The following ZFYVE21 variants were observed in gnomAD, a reference collection of about 807,000 sequenced individuals.
ZFYVE21 encodes the protein zinc finger FYVE domain-containing protein 21.
In ZFYVE21, 21 loss-of-function variants were observed where a neutral mutation model predicts 29.5. That is an observed-to-expected ratio of 0.71 (90% CI 0.50 to 1.02). The LOEUF (loss-of-function observed/expected upper bound fraction) is 1.02, where lower values mean the gene tolerates loss of function less well. Among genes scored for constraint, ZFYVE21 ranks in the 50% least tolerant of loss-of-function variants. ZFYVE21 has a pLI of 0.00. For synonymous variants in ZFYVE21, 151 were observed against 133.8 expected (o/e 1.13, Z -0.89); for missense variants, 326 against 335.4 (o/e 0.97, Z 0.22).
intron 1 of ZFYVE21, among the ~76,000 whole-genome samples, chr14:103,722,931 T>A (rs985546719): frequency 1.3e-5 from 2 of 151,854 alleles, no homozygotes; most frequent in Non-Finnish European, 2.9e-5. Flanking sequence ...ATTACAGGCG[T>A]GAGCCACTGC....
intron 5 of ZFYVE21, chr14:103,729,804 C>G (rs568838147): frequency 1.3e-6 from 2 of 1,536,448 alleles, no homozygotes; most frequent in South Asian, 1.2e-5. Context: ...AAAAGACATT[C>G]ACGCTTACAC....
chr14:103,715,822 C>T lies in ZFYVE21; in HGVS notation c.-20C>T, dbSNP rs1470131994. 2.2e-6 allele frequency: 3 copies of T among 1,359,024 alleles called. No homozygotes were observed. The highest frequency in any genetic ancestry group is 2.9e-6 in the Non-Finnish European group (3 of 1,047,516). The allele number at this position is 1,359,024 out of a possible 1,614,324, so 84.2% of individuals were successfully genotyped here. A position where few individuals can be genotyped will look rare whatever the true frequency, so the allele number is the denominator to read the frequency against. ...AGGGGCCGGGTGCGGGGCCGCTGGC[C>T]GAGAGGCTGAGGCGGCGTCATGTCC... On this transcript the variant is annotated 5_prime_UTR_variant, in exon 1 of 7. Transcript: ENST00000311141.
At chr14:103,730,600 G>C (rs1048587049) in intron 5 of ZFYVE21, 1 of 152,652 alleles carries the variant, frequency 6.6e-6, no homozygotes, top group Non-Finnish European at 1.5e-5. Context: ...TGGTGGCTTG[G>C]GGGGTGCAGT....
At chr14:103,728,007 C>A in intron 3 of ZFYVE21, 93 bp downstream of exon 3, 1 of 1,366,990 alleles carries the variant, frequency 7.3e-7, no homozygotes, top group Non-Finnish European at 9.9e-7. Context: ...GGGCGTTCTG[C>A]TTCTCTGACG....
In ZFYVE21 at chr14:103,716,013, C is replaced by T. The variant is rs1259197269; in HGVS notation, c.138+34C>T. 9.2e-6 allele frequency: 11 copies of T among 1,199,806 alleles called. No individual in the cohort carries two copies. Among genetic ancestry groups the T allele is most frequent in the Non-Finnish European group, 1.1e-5 (11 of 963,068 alleles). 74.3% of individuals were successfully genotyped at this position (1,199,806 alleles called of 1,614,324 possible). On this transcript the variant is annotated intron_variant, in intron 1 of 6. Coordinates refer to ENST00000311141, the MANE Select transcript of ZFYVE21 (RefSeq NM_024071.4). This position sits in a 1 kb window ranked among gnomAD's most constrained non-coding sequence, Gnocchi z 4.8. ...CCGTCGCCCCGGCCAGCGCCTCCGA[C>T]CCGCCCCGCCGCCCCGGCCCGGCCC...
intron 1 of ZFYVE21, among the ~76,000 whole-genome samples, chr14:103,717,721 G>GC (rs1205002879): frequency 6.6e-6 from 1 of 152,292 alleles, no homozygotes; most frequent in South Asian, 2.1e-4. Context: ...CCCCTCCAGA[G>GC]CCCCCCACCA....
chr14:103,727,691 C>T (rs758733667), intron 2 of ZFYVE21, 55 bp from the exon 3 acceptor site: 2 of 1,589,842 alleles, frequency 1.3e-6, no homozygotes, highest in East Asian at 2.2e-5. Context: ...GGGCCACACC[C>T]GGGGCCGCTT....
At chr14:103,729,601 G>T in intron 5 of ZFYVE21, 1 of 697,522 alleles carries the variant, frequency 1.4e-6, no homozygotes, top group Non-Finnish European at 2.4e-6. Context: ...TAAACCCCTG[G>T]TGCATTTCCT....
chr14:103,729,776 C>T, intron 5 of ZFYVE21: 3 of 1,536,540 alleles, frequency 2.0e-6, no homozygotes, highest in Non-Finnish European at 2.6e-6. Context: ...CACTGCCTGC[C>T]CACCTTCTTG....
At chr14:103,717,390 G>C (rs951880680) in intron 1 of ZFYVE21, among the ~76,000 whole-genome samples, 2 of 152,214 alleles carry the variant, frequency 1.3e-5, no homozygotes, top group African/African-American at 4.8e-5. Context: ...TAAGGAGCAC[G>C]TGAGAAAGTG....
intron 5 of ZFYVE21, chr14:103,729,716 A>G (rs554355138): frequency 8.0e-6 from 12 of 1,500,558 alleles, no homozygotes; most frequent in South Asian, 1.2e-5. Flanking sequence ...GCCGTAACCC[A>G]TGTTGCTTTC....
At position 103,729,335 on chromosome 14, in the gene ZFYVE21, G is replaced by A. The variant is rs1033249535; in HGVS notation, c.526+153G>A. ...ATCTGCCTTTCCTCTTTCGCGGGGCGTGTATTTACTCAGTGGCTTTAGAAC... is the reference window on the plus strand; with the variant it reads ...ATCTGCCTTTCCTCTTTCGCGGGGCATGTATTTACTCAGTGGCTTTAGAAC... On this transcript the variant is annotated intron_variant, in intron 5 of 6. Coordinates refer to ENST00000311141, the MANE Select transcript of ZFYVE21 (RefSeq NM_024071.4). 1.6e-4 allele frequency: 114 copies of A among 703,970 alleles called. 1 individual carries two copies. The highest frequency in any genetic ancestry group is 4.0e-4 in the Middle Eastern group (1 of 2,520). The allele number at this position is 703,970 out of a possible 1,614,324, so 43.6% of individuals were successfully genotyped here.
intron 5 of ZFYVE21, chr14:103,730,709 G>A (rs1256267092): frequency 6.6e-6 from 1 of 152,542 alleles, no homozygotes; most frequent in Non-Finnish European, 1.5e-5. Context: ...TGACCTGAAG[G>A]CAGCCAAGGG....
rs1279954626 is a variant in ZFYVE21 at position 103,716,966 on chromosome 14, A to G, written c.138+987A>G. Among the ~76,000 whole-genome samples the G allele has an allele frequency of 2.6e-5, 4 of 152,114 alleles. No homozygotes were observed. The highest frequency in any genetic ancestry group is 5.9e-5 in the Non-Finnish European group (4 of 68,038). On this transcript the variant is annotated intron_variant, in intron 1 of 6. Coordinates refer to ENST00000311141, the MANE Select transcript of ZFYVE21 (RefSeq NM_024071.4). This position sits in a 1 kb window ranked among gnomAD's most constrained non-coding sequence, Gnocchi z 4.8. The stretch of plus-strand genomic sequence containing the variant: ...GACTTTCATACTTAACACGTGTTAC[A>G]GATTCGTTTAATTCCCTCAGTGATA...
chr14:103,724,123 C>G (rs1453775254), intron 1 of ZFYVE21, among the ~76,000 whole-genome samples: 1 of 152,220 alleles, frequency 6.6e-6, no homozygotes, highest in East Asian at 1.9e-4. Context: ...GGCCCCCAGA[C>G]CACAGGGAGG....
Position 103,732,694 on chromosome 14 carries a change from C to A in ZFYVE21, c.601C>A (p.Leu201Met). 1 of 1,613,316 alleles carries A rather than the reference C, an allele frequency of 6.2e-7. No homozygotes were observed. The change falls in exon 6 of 7, where the codon CTG becomes ATG. Residue 201 changes from leucine to methionine, a missense_variant. Physicochemically the swap from Leu to Met is conservative, Grantham distance 15 (BLOSUM62 2). Coordinates refer to ENST00000311141, the MANE Select transcript of ZFYVE21 (RefSeq NM_024071.4). ...GACGGAGGGTGTGACCCAGCTGAAG[C>A]TGACAGTGGTGGAGGACGTGACTGT... ...PGTEGVTQLK[L>M]TVVEDVTVGR...
At chr14:103,721,461 C>T (rs2083871981) in intron 1 of ZFYVE21, among the ~76,000 whole-genome samples, 1 of 152,266 alleles carries the variant, frequency 6.6e-6, no homozygotes, top group African/African-American at 2.4e-5. Context: ...GCCACGGAGG[C>T]CTCCCATGGA....
chr14:103,732,663 G>A lies in ZFYVE21; in HGVS notation c.570G>A (p.Val190=). 3 of 1,611,776 alleles carry A rather than the reference G, an allele frequency of 1.9e-6. No individual in the cohort carries two copies. The highest frequency in any genetic ancestry group is 2.5e-6 in the Non-Finnish European group (3 of 1,179,264). The part of the protein sequence containing the change: ...RATGMFLQYT[V]PGTEGVTQLK... The stretch of plus-strand genomic sequence containing the variant: ...CAGGCATGTTCCTGCAGTATACAGT[G>A]CCGGGGACGGAGGGTGTGACCCAGC... The change falls in exon 6 of 7, where the codon GTG becomes GTA. Residue 190 remains valine (V), a synonymous_variant. Transcript: ENST00000311141.
intron 5 of ZFYVE21, chr14:103,731,907 G>T (rs1468292938): frequency 6.6e-6 from 1 of 152,256 alleles, no homozygotes; most frequent in African/African-American, 2.4e-5. Flanking sequence ...CTTCAGCAGT[G>T]TATTGTTGGA....
Sources: gnomAD v4.1 joint callset for allele counts (sites outside exome capture counted in the v4.1 genomes callset) on GRCh38, gnomAD v4.1.1 for gene constraint, Gnocchi (gnomAD v3.1) non-coding constraint, MANE v1.5 for transcripts, NCBI Gene and HGNC (gene_info 2026-07-23, HGNC 2026-07-21) for gene names.